The following VRK2 variants were observed in gnomAD, a reference collection of about 807,000 sequenced individuals.
The protein encoded by VRK2 is serine/threonine-protein kinase VRK2.
VRK2 carries 60 observed loss-of-function variants against 57.6 expected under a neutral mutation model. The ratio of observed to expected loss-of-function variants is 1.04; its 90% CI spans 0.85 to 1.29. The LOEUF is 1.29. Ranked by LOEUF, VRK2 falls within the 50% of genes most tolerant of loss-of-function variation. The pLI, the probability that VRK2 is intolerant of heterozygous loss-of-function variation, is 0.00. For missense variants in VRK2, 705 were observed against 588.1 expected (o/e 1.20, Z -2.06); for synonymous variants, 231 against 199.2 (o/e 1.16, Z -1.35).
At chr2:58,103,418 A>G (rs1013016773) in intron 7 of VRK2, among the ~76,000 whole-genome samples, 6 of 151,664 alleles carry the variant, frequency 4.0e-5, no homozygotes, top group Middle Eastern at 3.2e-3. Context: ...AGACATTACA[A>G]CTACTACCAC....
In VRK2 at chr2:58,110,378, C is replaced by G. The variant is rs566271823; in HGVS notation, c.544-12723C>G. Among the ~76,000 whole-genome samples the G allele has an allele frequency of 2.6e-5, 4 of 151,902 alleles. No homozygotes were observed. The East Asian group carries it at 7.7e-4, about 29-fold the overall frequency. On this transcript the variant is annotated intron_variant, in intron 7 of 12. Coordinates refer to ENST00000340157, the MANE Select transcript of VRK2 (RefSeq NM_006296.7). ...ACATACCATAATGCAAAAATCTTAA[C>G]AATAAATCAAATGCATATTTACGAA...
chr2:58,105,775 AG>A (rs1324449099), intron 7 of VRK2, among the ~76,000 whole-genome samples: 2 of 151,900 alleles, frequency 1.3e-5, no homozygotes, highest in African/African-American at 4.8e-5. Flanking sequence ...GGGGCTATGC[AG>A]GTAGCACTAT....
chr2:58,035,700 C>G lies in VRK2; in HGVS notation c.-6+2147C>G, dbSNP rs577700024. Among the ~76,000 whole-genome samples the G allele has an allele frequency of 3.9e-5, 6 of 151,976 alleles. No individual in the cohort carries two copies. In the East Asian group the frequency reaches 5.8e-4, roughly 15 times the overall value. On this transcript the variant is annotated intron_variant, in intron 3 of 15. Coordinates refer to the VRK2 transcript ENST00000417641. The stretch of plus-strand genomic sequence containing the variant: ...CTTCTAGGGCAGAAGATTTTTGTAG[C>G]CTTCTTCTATATAATTTGGAAGGAG...
rs1684749973 is a variant in VRK2, at chr2:58,159,586, A to G, written c.1420A>G (p.Ile474Val). ...LESSTGLWPT[I>V]SQFTLSEETN... ...AAGTTCAACTGGACTTTGGCCTACA[A>G]TTTCCCAGTTTACTCTTAGTGAAGA... The change falls in exon 13 of 13, where the codon ATT becomes GTT. Residue 474 changes from isoleucine (I) to valine (V), a missense_variant. Coordinates refer to ENST00000340157, the MANE Select transcript of VRK2 (RefSeq NM_006296.7). The G allele has an allele frequency of 1.2e-6, 2 of 1,613,682 alleles. No individual in the cohort carries two copies. The highest frequency in any genetic ancestry group is 1.3e-5 in the African/African-American group (1 of 74,908).
At chr2:57,952,753 A>T (rs183687430) in intron 1 of VRK2, among the ~76,000 whole-genome samples, 2,704 of 151,886 alleles carry the variant, frequency 0.018, 23 homozygotes, top group Non-Finnish European at 0.025. Context: ...TGAAAATGAA[A>T]AAAAAAAAAA....
At chr2:57,951,201 C>T (rs1258008153) in intron 1 of VRK2, among the ~76,000 whole-genome samples, 2 of 151,998 alleles carry the variant, frequency 1.3e-5, no homozygotes, top group Non-Finnish European at 2.9e-5. Context: ...TCATTAATGA[C>T]TTTGAGGTGG....
chr2:58,085,920 C>CTT (rs1249303592), intron 4 of VRK2, among the ~76,000 whole-genome samples: 1 of 113,788 alleles, frequency 8.8e-6, no homozygotes, highest in Non-Finnish European at 1.8e-5. Flanking sequence ...CCAATTTCTG[C>CTT]TTTTTTTTTC....
At chr2:58,000,377 A>G (rs1410977171) in intron 1 of VRK2, among the ~76,000 whole-genome samples, 1 of 152,232 alleles carries the variant, frequency 6.6e-6, no homozygotes, top group East Asian at 1.9e-4. Context: ...CTCCAGAATT[A>G]TTATATTTAC....
At chr2:57,999,334 CTATAAA>C (rs2103620010) in intron 1 of VRK2, among the ~76,000 whole-genome samples, 1 of 152,118 alleles carries the variant, frequency 6.6e-6, no homozygotes, top group Non-Finnish European at 1.5e-5. Context: ...ATCCTCTAGG[CTATAAA>C]TATAATATTT....
At chr2:58,131,398 A>T (rs551293671) in intron 8 of VRK2, among the ~76,000 whole-genome samples, 3 of 151,766 alleles carry the variant, frequency 2.0e-5, no homozygotes, top group African/African-American at 7.3e-5. Flanking sequence ...TGCATGACCA[A>T]TGCAGACCCT....
chr2:58,105,024 T>G (rs572170043), intron 7 of VRK2, among the ~76,000 whole-genome samples: 2 of 151,922 alleles, frequency 1.3e-5, no homozygotes, highest in South Asian at 2.1e-4. Flanking sequence ...ATAATGAAAA[T>G]GGACCCCTAT....
At chr2:58,066,031 T>G (rs961856097) in intron 2 of VRK2, among the ~76,000 whole-genome samples, 2 of 152,196 alleles carry the variant, frequency 1.3e-5, no homozygotes, top group Non-Finnish European at 2.9e-5. Context: ...TTTGGGAATT[T>G]CCACGTACAC....
chr2:58,055,585 G>A (rs965337667), intron 2 of VRK2, among the ~76,000 whole-genome samples: 8 of 152,162 alleles, frequency 5.3e-5, no homozygotes, highest in South Asian at 4.1e-4. Context: ...TGCATTCAGT[G>A]GAGATGAATA....
chr2:57,923,887 T>C (rs982896716), intron 1 of VRK2, among the ~76,000 whole-genome samples: 1 of 151,946 alleles, frequency 6.6e-6, no homozygotes, highest in Non-Finnish European at 1.5e-5. Context: ...AATTCATTTT[T>C]ATTTGATTTT....
chr2:58,046,867 C>A lies in VRK2; in HGVS notation c.-7C>A. On this transcript the variant is annotated splice_region_variant and 5_prime_UTR_variant, in exon 1 of 13. Transcript: ENST00000340157. ...CCCGGCGACGGGGGATCCTGAGGCCCGGTCAGTCTCTTGCTCTGGGGTCTT... is the reference window on the plus strand; with the variant it reads ...CCCGGCGACGGGGGATCCTGAGGCCAGGTCAGTCTCTTGCTCTGGGGTCTT... 1 of 985,386 alleles carries A rather than the reference C, an allele frequency of 1.0e-6. No homozygotes were observed. Among genetic ancestry groups the A allele is most frequent in the Non-Finnish European group, 1.2e-6 (1 of 829,896 alleles). 61.0% of individuals were successfully genotyped at this position (985,386 alleles called of 1,614,324 possible).
intron 1 of VRK2, among the ~76,000 whole-genome samples, chr2:57,933,265 G>T (rs192539336): frequency 1.0e-3 from 156 of 149,306 alleles, no homozygotes; most frequent in Admixed American, 1.5e-3. Flanking sequence ...TTGGGTGTTG[G>T]AGTCATCAAT....
chr2:57,979,545 G>A (rs1672354979), intron 1 of VRK2, among the ~76,000 whole-genome samples: 1 of 145,504 alleles, frequency 6.9e-6, no homozygotes, highest in African/African-American at 2.8e-5. Flanking sequence ...GAATGATGTT[G>A]GCCTCATAGA....
intron 12 of VRK2, among the ~76,000 whole-genome samples, chr2:58,151,659 G>A (rs1000555676): frequency 1.7e-5 from 2 of 117,630 alleles, no homozygotes; most frequent in Non-Finnish European, 3.7e-5. Context: ...TTTGTTCTTT[G>A]TCCCTTTTTA....
chr2:57,928,373 C>T (rs1670611686), intron 1 of VRK2, among the ~76,000 whole-genome samples: 1 of 151,988 alleles, frequency 6.6e-6, no homozygotes, highest in Admixed American at 6.6e-5. Context: ...TCCAGAATTT[C>T]TGCTTGATTT....
Sources: allele counts gnomAD v4.1 joint callset (sites outside exome capture counted in the v4.1 genomes callset), GRCh38; gene constraint gnomAD v4.1.1; transcripts MANE v1.5; gene names NCBI Gene and HGNC (gene_info 2026-07-23, HGNC 2026-07-21).